Variants in PHF24 observed in about 807,000 individuals in gnomAD.
PHF24 encodes the protein Galpha inhibitory interacting protein.
A neutral mutation model predicts 42.6 loss-of-function variants in PHF24; 25 were observed. That is an observed-to-expected ratio of 0.59 (90% CI 0.43 to 0.82). PHF24 has a LOEUF of 0.82. PHF24 is among the 40% of genes least tolerant of loss of function. PHF24 has a pLI of 0.00. For missense variants in PHF24, 470 were observed against 538.1 expected, an observed-to-expected ratio of 0.87 and a Z score of 1.25; for synonymous variants, 185 against 204.8, an observed-to-expected ratio of 0.90 and a Z score of 0.83.
chr9:34,905,680 T>C, the PHF24 span, among the ~76,000 whole-genome samples: 1 of 151,962 alleles, frequency 6.6e-6, no homozygotes, highest in Admixed American at 6.6e-5. Context: ...ATATGTGGAG[T>C]TGGAAGAGGG....
the PHF24 span, among the ~76,000 whole-genome samples, chr9:34,696,222 T>C: frequency 1.3e-5 from 2 of 152,122 alleles, no homozygotes; most frequent in African/African-American, 2.4e-5. Flanking sequence ...GCACAGTGGC[T>C]CACGCCTGTA....
the PHF24 span, among the ~76,000 whole-genome samples, chr9:34,937,040 C>CGG: frequency 6.8e-6 from 1 of 147,418 alleles, no homozygotes; most frequent in Non-Finnish European, 1.5e-5. Flanking sequence ...GTCAGCCCCC[C>CGG]CCCCGGGCCA....
At chr9:34,965,219 A>T (rs1826726241) in intron 1 of PHF24, among the ~76,000 whole-genome samples, 1 of 152,198 alleles carries the variant, frequency 6.6e-6, no homozygotes, top group South Asian at 2.1e-4. Flanking sequence ...CAGCACACAC[A>T]CTTTTAATCA....
At chr9:34,945,941 G>A in the PHF24 span, among the ~76,000 whole-genome samples, 2 of 152,188 alleles carry the variant, frequency 1.3e-5, no homozygotes, top group African/African-American at 2.4e-5. Context: ...TGTCAAAGGA[G>A]TCCTACATCT....
At chr9:34,832,394 G>T in the PHF24 span, 1 of 1,062,978 alleles carries the variant, frequency 9.4e-7, no homozygotes, top group Non-Finnish European at 1.4e-6. Flanking sequence ...CAGGTTGTCT[G>T]GAGTGTAACC....
At chr9:34,816,034 G>GT in the PHF24 span, among the ~76,000 whole-genome samples, 1 of 150,648 alleles carries the variant, frequency 6.6e-6, no homozygotes, top group African/African-American at 2.4e-5. Flanking sequence ...GGGTTTAAAT[G>GT]TTTTTTCAAA....
chr9:34,917,945 C>T, the PHF24 span: 2 of 1,567,944 alleles, frequency 1.3e-6, no homozygotes, highest in African/African-American at 1.3e-5. Flanking sequence ...CCAACTTTAG[C>T]ACCAAGGCCA....
the PHF24 span, chr9:34,892,824 C>T: frequency 2.2e-5 from 15 of 681,954 alleles, no homozygotes; most frequent in South Asian, 7.9e-5. Flanking sequence ...GAATCTTGGA[C>T]GCTGTCTGCA....
chr9:34,718,709 G>A, the PHF24 span, among the ~76,000 whole-genome samples: 1 of 152,226 alleles, frequency 6.6e-6, no homozygotes, highest in Admixed American at 6.5e-5. Flanking sequence ...TGTTCATCCT[G>A]TGTGCCTTGC....
the PHF24 span, among the ~76,000 whole-genome samples, chr9:34,804,920 T>C: frequency 6.6e-6 from 1 of 152,248 alleles, no homozygotes; most frequent in Non-Finnish European, 1.5e-5. Context: ...TCTGTCTCTA[T>C]AGCTTTTACT....
the PHF24 span, among the ~76,000 whole-genome samples, chr9:34,671,600 T>TCTGTCACCTCTTCCTTATCTCC: frequency 1.2e-4 from 18 of 152,348 alleles, no homozygotes; most frequent in African/African-American, 4.1e-4. Flanking sequence ...CTTGTCTGTT[T>TCTGTCACCTCTTCCTTATCTCC]CTGTCACCTC....
the PHF24 span, among the ~76,000 whole-genome samples, chr9:34,888,591 C>T: frequency 2.6e-5 from 4 of 152,310 alleles, no homozygotes; most frequent in African/African-American, 7.2e-5. Flanking sequence ...CAGGGAGATT[C>T]TATCATCTGG....
the PHF24 span, among the ~76,000 whole-genome samples, chr9:34,870,921 G>T: frequency 6.6e-6 from 1 of 152,196 alleles, no homozygotes; most frequent in South Asian, 2.1e-4. Flanking sequence ...CATCCATGTG[G>T]TTTTTGTGTG....
chr9:34,785,412 G>A, the PHF24 span, among the ~76,000 whole-genome samples: 12 of 152,178 alleles, frequency 7.9e-5, no homozygotes, highest in Admixed American at 7.2e-4. Context: ...AATTTTGGAG[G>A]GGAACCATTC....
At chr9:34,838,537 G>A in the PHF24 span, 14 of 1,256,780 alleles carry the variant, frequency 1.1e-5, no homozygotes, top group East Asian at 7.7e-5. Context: ...CCTCTATCTC[G>A]GCATTCAGGG....
the PHF24 span, among the ~76,000 whole-genome samples, chr9:34,684,424 A>G: frequency 6.6e-6 from 1 of 152,152 alleles, no homozygotes; most frequent in Non-Finnish European, 1.5e-5. Context: ...TACGTAGACT[A>G]CAGAGAGGAT....
chr9:34,931,159 G>A, the PHF24 span, among the ~76,000 whole-genome samples: 72 of 152,142 alleles, frequency 4.7e-4, no homozygotes, highest in African/African-American at 1.5e-3. Context: ...GGTGGATCAC[G>A]AGGTCAGGAG....
chr9:34,860,656 T>A, the PHF24 span, among the ~76,000 whole-genome samples: 1 of 151,768 alleles, frequency 6.6e-6, no homozygotes. Flanking sequence ...GGTCTGTAGT[T>A]ATTGATGACT....
chr9:34,875,938 ACACACACACACACTCTCTCT>A, the PHF24 span, among the ~76,000 whole-genome samples: 5 of 88,430 alleles, frequency 5.7e-5, no homozygotes, highest in African/African-American at 2.4e-4. Flanking sequence ...ACACACACAC[ACACACACACACACTCTCTCT>A]CTCTCTCTCT....
Sources: gnomAD v4.1 joint callset for allele counts (sites outside exome capture counted in the v4.1 genomes callset) on GRCh38, gnomAD v4.1.1 for gene constraint, MANE v1.5 for transcripts, NCBI Gene and HGNC (gene_info 2026-07-23, HGNC 2026-07-21) for gene names.